Variants in CTPS2 observed in about 807,000 individuals in gnomAD.
CTPS2 encodes the protein CTP synthase 2, also known as CTP synthase II.
In CTPS2, 19 loss-of-function variants were observed where a neutral mutation model predicts 46.8. That is an observed-to-expected ratio of 0.41 (90% CI 0.28 to 0.60). The LOEUF (loss-of-function observed/expected upper bound fraction) is 0.60, where lower values mean the gene tolerates loss of function less well. Among genes scored for constraint, CTPS2 ranks in the 20% least tolerant of loss-of-function variants. The probability of loss-of-function intolerance (pLI) is 0.35; values close to 1 mark genes in which losing one functional copy is unlikely to be tolerated. For synonymous variants in CTPS2, 151 were observed against 165.2 expected (o/e 0.91, Z 0.66); for missense variants, 286 against 447.6 (o/e 0.64, Z 3.26).
At chrX:16,699,928 A>AT (rs1191366832) in intron 2 of CTPS2, among the ~76,000 whole-genome samples, 56,587 of 104,346 alleles carry the variant, frequency 0.54, 13,440 homozygotes, top group African/African-American at 0.85. Flanking sequence ...TTTTTTTTCA[A>AT]TTTTTTTTTT....
intron 4 of CTPS2, among the ~76,000 whole-genome samples, chrX:16,694,653 A>C (rs886308655): frequency 1.8e-5 from 2 of 112,566 alleles, no homozygotes; most frequent in South Asian, 3.7e-4. Context: ...CCTGAAATTC[A>C]ATATAAGCCC....
chrX:16,593,191 A>T (rs111505546), intron 17 of CTPS2, among the ~76,000 whole-genome samples: 16 of 111,675 alleles, frequency 1.4e-4, no homozygotes, highest in Non-Finnish European at 2.8e-4. Flanking sequence ...GCACGTTGGG[A>T]GGCCAAGGTG....
intron 9 of CTPS2, among the ~76,000 whole-genome samples, chrX:16,680,396 T>C (rs765154164): frequency 9.2e-6 from 1 of 108,264 alleles, no homozygotes; most frequent in Non-Finnish European, 1.9e-5. Context: ...CTGTCTCTAC[T>C]AAAAATAACA....
chrX:16,669,998 C>T (rs1483143964), intron 11 of CTPS2, among the ~76,000 whole-genome samples: 1 of 109,874 alleles, frequency 9.1e-6, no homozygotes, highest in Non-Finnish European at 1.9e-5. Flanking sequence ...CTGAAGTGGG[C>T]AGATTGCTTG....
chrX:16,684,837 T>A (rs1418079505), intron 8 of CTPS2, among the ~76,000 whole-genome samples: 2 of 111,759 alleles, frequency 1.8e-5, no homozygotes, highest in Non-Finnish European at 3.8e-5. Context: ...ATGCCTGTAA[T>A]CCCAACACTT....
At chrX:16,697,271 CCTGACT>C (rs1257836265) in intron 4 of CTPS2, among the ~76,000 whole-genome samples, 5 of 109,622 alleles carry the variant, frequency 4.6e-5, no homozygotes, top group Non-Finnish European at 9.5e-5. Context: ...ACTGAGGCAG[CCTGACT>C]CTAAGAACCA....
chrX:16,661,321 C>A (rs948222862), intron 13 of CTPS2, among the ~76,000 whole-genome samples: 1 of 111,904 alleles, frequency 8.9e-6, no homozygotes, highest in Non-Finnish European at 1.9e-5. Context: ...TAACTAACCT[C>A]CAAGTGATTT....
intron 13 of CTPS2, among the ~76,000 whole-genome samples, chrX:16,663,464 C>T (rs773327795): frequency 4.8e-4 from 54 of 111,354 alleles, no homozygotes; most frequent in African/African-American, 1.6e-3. Context: ...TTTTTTTAAA[C>T]GCAATACATA....
At chrX:16,591,626 A>T (rs1225641146) in intron 17 of CTPS2, among the ~76,000 whole-genome samples, 2 of 111,244 alleles carry the variant, frequency 1.8e-5, no homozygotes, top group Non-Finnish European at 3.8e-5. Flanking sequence ...TATGACTCTA[A>T]CCATAACAGC....
At chrX:16,691,727 G>C (rs1923718516) in intron 6 of CTPS2, 107 bp from the exon 7 acceptor site, 1 of 588,198 alleles carries the variant, frequency 1.7e-6, no homozygotes, top group African/African-American at 2.2e-5. Context: ...GTTCACTTTG[G>C]ACATTCCACT....
At chrX:16,630,354 C>T (rs1399738463) in intron 14 of CTPS2, among the ~76,000 whole-genome samples, 1 of 106,176 alleles carries the variant, frequency 9.4e-6, no homozygotes, top group African/African-American at 3.5e-5. Flanking sequence ...TCCCGGGTTC[C>T]AGCAATTCTC....
At chrX:16,675,820 T>C (rs769328173) in intron 10 of CTPS2, among the ~76,000 whole-genome samples, 2 of 112,240 alleles carry the variant, frequency 1.8e-5, no homozygotes, top group South Asian at 7.4e-4. Flanking sequence ...AGGACTCTCA[T>C]GGAGAGCTGA....
intron 15 of CTPS2, among the ~76,000 whole-genome samples, chrX:16,617,925 C>T (rs916409452): frequency 1.8e-5 from 2 of 112,053 alleles, no homozygotes; most frequent in South Asian, 3.7e-4. Flanking sequence ...TACCAGTTCT[C>T]GTATTGTCAT....
At chrX:16,708,895 G>T (rs904075269) in intron 1 of CTPS2, among the ~76,000 whole-genome samples, 7 of 111,455 alleles carry the variant, frequency 6.3e-5, no homozygotes, top group African/African-American at 2.3e-4. Context: ...GATCACCTGA[G>T]GTCAGGAGTT....
At chrX:16,627,372 G>A (rs991038607) in intron 14 of CTPS2, among the ~76,000 whole-genome samples, 1 of 111,980 alleles carries the variant, frequency 8.9e-6, no homozygotes, top group Non-Finnish European at 1.9e-5. Flanking sequence ...GCAGAGTGCT[G>A]GCAAACACAC....
chrX:16,643,850 C>T (rs980010280), intron 13 of CTPS2, among the ~76,000 whole-genome samples: 1 of 110,681 alleles, frequency 9.0e-6, no homozygotes, highest in African/African-American at 3.3e-5. Flanking sequence ...TACCCACCAC[C>T]ATACTACACA....
chrX:16,687,242 G>A (rs1215330028), intron 8 of CTPS2, among the ~76,000 whole-genome samples: 1 of 110,826 alleles, frequency 9.0e-6, no homozygotes, highest in Non-Finnish European at 1.9e-5. Context: ...GCTCATTCCT[G>A]TAATCCCAAC....
chrX:16,709,573 G>A (rs1314002859), intron 1 of CTPS2, among the ~76,000 whole-genome samples: 5 of 110,397 alleles, frequency 4.5e-5, no homozygotes, highest in South Asian at 3.8e-4. Context: ...TCTTATGGCC[G>A]GGTGCAATGG....
At chrX:16,605,056 T>C (rs950761342) in intron 17 of CTPS2, among the ~76,000 whole-genome samples, 1 of 112,287 alleles carries the variant, frequency 8.9e-6, no homozygotes, top group African/African-American at 3.2e-5. Context: ...TCCGGGAACA[T>C]GGCTTTCGGA....
Sources: allele counts gnomAD v4.1 joint callset (sites outside exome capture counted in the v4.1 genomes callset), GRCh38; gene constraint gnomAD v4.1.1; transcripts MANE v1.5; gene names NCBI Gene and HGNC (gene_info 2026-07-23, HGNC 2026-07-21).